TJP3: variants seen among roughly 807,000 people sequenced by gnomAD.
The protein encoded by TJP3 is tight junction protein 3, also known as tight junction protein ZO-3.
In TJP3, 85 loss-of-function variants were observed where a neutral mutation model predicts 104.2. The ratio of observed to expected loss-of-function variants is 0.82; its 90% CI spans 0.68 to 0.98. The LOEUF (loss-of-function observed/expected upper bound fraction) is 0.98. TJP3 is among the 50% of genes least tolerant of loss of function. The pLI, the probability that TJP3 is intolerant of heterozygous loss-of-function variation, is 0.00. For missense variants in TJP3, 1,367 were observed against 1,322.8 expected, an observed-to-expected ratio of 1.03 and a Z score of -0.52; for synonymous variants, 550 against 550.6, an observed-to-expected ratio of 1.00 and a Z score of 0.02.
intron 1 of TJP3, among the ~76,000 whole-genome samples, chr19:3,723,665 C>T (rs1390535362): frequency 4.6e-5 from 7 of 151,422 alleles, no homozygotes; most frequent in Non-Finnish European, 7.4e-5. Flanking sequence ...GGTGGTTGGA[C>T]GCCTGTAATT....
intron 14 of TJP3, among the ~76,000 whole-genome samples, chr19:3,742,879 T>A (rs2036841173): frequency 6.7e-6 from 1 of 148,226 alleles, no homozygotes; most frequent in Non-Finnish European, 1.5e-5. Context: ...GGCAGGAGAA[T>A]CACTTGGACC....
rs2145682333 is a variant in TJP3, at chr19:3,730,047, A to G, written c.178A>G (p.Met60Val). ...GRLQTGDHIV[M>V]VNGVSMENAT... ...TCTCAGGACAGGCGACCACATCGTC[A>G]TGGTGAACGGGGTTTCCATGGAGAA... Residue 60 changes from methionine to valine, a missense_variant, in exon 4 of 21, where the codon ATG becomes GTG. By Grantham distance (21) the Met-to-Val change is conservative. Transcript: ENST00000541714. The surrounding 1 kb of genome is among the most constrained non-coding windows in gnomAD (Gnocchi z 7.3). 6.2e-7 allele frequency: 1 copy of G among 1,614,048 alleles called. No individual in the cohort carries two copies. Among genetic ancestry groups the G allele is most frequent in the East Asian group, 2.2e-5 (1 of 44,850 alleles).
chr19:3,709,031 G>A (rs2036409717), intron 1 of TJP3, among the ~76,000 whole-genome samples: 1 of 151,826 alleles, frequency 6.6e-6, no homozygotes, highest in African/African-American at 2.4e-5. Flanking sequence ...AAACAACTGC[G>A]TCTCCCGCCC....
intron 1 of TJP3, 77 bp from the exon 2 acceptor site, chr19:3,728,347 C>T: frequency 1.2e-6 from 2 of 1,610,220 alleles, no homozygotes; most frequent in Non-Finnish European, 1.7e-6. Flanking sequence ...GGACTCCCCA[C>T]CCTGAGCTGG....
rs72344854 is a variant in TJP3, at chr19:3,712,949, C to CAA, written c.-10+4401_-10+4402dup. Among the ~76,000 whole-genome samples the CAA allele has an allele frequency of 4.4e-3, 598 of 136,758 alleles. 5 individuals carry two copies. Among genetic ancestry groups the CAA allele is most frequent in the African/African-American group, 0.015 (567 of 36,790 alleles). The allele number at this position is 136,758 out of a possible 152,430, so 89.7% of individuals were successfully genotyped here. A position where few individuals can be genotyped will look rare whatever the true frequency, so the allele number is the denominator to read the frequency against. On this transcript the variant is annotated intron_variant, in intron 1 of 20. Coordinates refer to ENST00000541714, the MANE Select transcript of TJP3 (RefSeq NM_001267560.2). The stretch of plus-strand genomic sequence containing the variant: ...TAGGTGACAGAGCAAGACTCTGTCT[C>CAA]AAAAAAAAAAAAAAGAAAAGAAAAG...
chr19:3,730,044 G>T lies in TJP3; in HGVS notation c.175G>T (p.Val59Phe), dbSNP rs1307071135. 2 of 1,613,872 alleles carry T rather than the reference G, an allele frequency of 1.2e-6. No individual in the cohort carries two copies. Among genetic ancestry groups the T allele is most frequent in the African/African-American group, 1.3e-5 (1 of 74,862 alleles). The stretch of plus-strand genomic sequence containing the variant: ...CTCTCTCAGGACAGGCGACCACATC[G>T]TCATGGTGAACGGGGTTTCCATGGA... ...EGRLQTGDHI[V>F]MVNGVSMENA... Residue 59 changes from valine to phenylalanine, a missense_variant, in exon 4 of 21, where the codon GTC becomes TTC. Physicochemically the swap from Val to Phe is conservative, Grantham distance 50. Transcript: ENST00000541714. The surrounding 1 kb of genome is among the most constrained non-coding windows in gnomAD (Gnocchi z 7.3).
chr19:3,744,108 G>A (rs2036856207), intron 15 of TJP3, 74 bp downstream of exon 15: 2 of 1,406,082 alleles, frequency 1.4e-6, no homozygotes, highest in African/African-American at 1.4e-5. Context: ...GGGGTCGGGG[G>A]AGAGTTAGAA....
At chr19:3,734,268 A>G (rs2036708690) in intron 7 of TJP3, 59 bp from the exon 8 acceptor site, 1 of 1,560,732 alleles carries the variant, frequency 6.4e-7, no homozygotes, top group African/African-American at 1.4e-5. Flanking sequence ...CCCCTCTGTA[A>G]AATGGGTCCA....
intron 3 of TJP3, among the ~76,000 whole-genome samples, chr19:3,728,978 G>A (rs948369891): frequency 2.6e-5 from 4 of 152,220 alleles, no homozygotes; most frequent in Admixed American, 1.3e-4. Flanking sequence ...GCTTGAACCC[G>A]GGAGGCAGAG....
rs773269955 is a variant in TJP3, at chr19:3,734,304, T to A, written c.878-23T>A. ...GTCCAGAAGGCGTGACCATGGCTGA[T>A]GAGATGTCCTCTCCCCCTGCAGACA... On this transcript the variant is annotated intron_variant, in intron 7 of 20. Coordinates refer to ENST00000541714, the MANE Select transcript of TJP3 (RefSeq NM_001267560.2). 1.9e-6 allele frequency: 3 copies of A among 1,608,526 alleles called. No individual in the cohort carries two copies. In the South Asian group the frequency reaches 3.3e-5, roughly 18 times the overall value.
At chr19:3,735,982 C>T (rs759206209) in intron 10 of TJP3, 47 bp downstream of exon 10, 2 of 1,608,664 alleles carry the variant, frequency 1.2e-6, no homozygotes, top group South Asian at 2.2e-5. Context: ...TCCTACATCC[C>T]AGGCTGCCTC....
chr19:3,717,941 C>T (rs1447223161), intron 1 of TJP3, among the ~76,000 whole-genome samples: 1 of 140,932 alleles, frequency 7.1e-6, no homozygotes, highest in Non-Finnish European at 1.5e-5. Flanking sequence ...AAAGGCCGGG[C>T]ACGATGGCTC....
intron 14 of TJP3, 84 bp downstream of exon 14, chr19:3,740,847 A>T: frequency 7.4e-7 from 1 of 1,347,962 alleles, no homozygotes; most frequent in South Asian, 1.7e-5. Context: ...AGCCTCTAAA[A>T]GGCACAGTCT....
At chr19:3,728,219 G>T in intron 1 of TJP3, 1 of 354,214 alleles carries the variant, frequency 2.8e-6, no homozygotes, top group Non-Finnish European at 4.0e-6. Context: ...CAGCCTGGGC[G>T]ACAGAGCCAG....
intron 11 of TJP3, 32 bp from the exon 12 acceptor site, chr19:3,738,523 C>A (rs2036768018): frequency 1.3e-6 from 2 of 1,593,356 alleles, no homozygotes; most frequent in Admixed American, 3.4e-5. Flanking sequence ...GGTACCAGAG[C>A]TTTTTCTATA....
At chr19:3,725,585 G>A (rs1250394324) in intron 1 of TJP3, among the ~76,000 whole-genome samples, 1 of 151,560 alleles carries the variant, frequency 6.6e-6, no homozygotes, top group Non-Finnish European at 1.5e-5. Context: ...CCAGCTACTC[G>A]GGAGGCTGAG....
Position 3,728,584 on chromosome 19 carries a change from T to C in TJP3, c.49-20T>C. 1 of 1,608,654 alleles carries C rather than the reference T, an allele frequency of 6.2e-7. No individual in the cohort carries two copies. The highest frequency in any genetic ancestry group is 8.5e-7 in the Non-Finnish European group (1 of 1,178,084). On this transcript the variant is annotated intron_variant, in intron 2 of 20. Coordinates refer to ENST00000541714, the MANE Select transcript of TJP3 (RefSeq NM_001267560.2). ...CCCTGGGGGAAACAGCAGCTCTTCCTTCCCCTCATCCTCTCTCAGGACCCC... is the reference window on the plus strand; with the variant it reads ...CCCTGGGGGAAACAGCAGCTCTTCCCTCCCCTCATCCTCTCTCAGGACCCC...
Position 3,746,695 on chromosome 19 carries a change from G to C in TJP3, c.2221G>C (p.Ala741Pro). The C allele has an allele frequency of 6.2e-7, 1 of 1,609,986 alleles. No individual in the cohort carries two copies. The highest frequency in any genetic ancestry group is 1.1e-5 in the South Asian group (1 of 90,616). The change falls in exon 17 of 21, where the codon GCC becomes CCC. Residue 741 changes from alanine to proline, a missense_variant and splice_region_variant. Transcript: ENST00000541714. This position sits in a 1 kb window ranked among gnomAD's most constrained non-coding sequence, Gnocchi z 4.1. ...LRKHSSHLFT[A>P]TIPLNGTSDT... ...AAAACACAGCAGCCACCTCTTCACA[G>C]GTTGGGGGGTGGGTGTCCCAGGGTA...
chr19:3,734,153 C>A, intron 7 of TJP3, 174 bp from the exon 8 acceptor site: 1 of 854,396 alleles, frequency 1.2e-6, no homozygotes, highest in South Asian at 1.7e-5. Context: ...TCCTGAGTAG[C>A]TGGGATTATA....
Sources: gnomAD v4.1 joint callset for allele counts (sites outside exome capture counted in the v4.1 genomes callset) on GRCh38, gnomAD v4.1.1 for gene constraint, Gnocchi (gnomAD v3.1) non-coding constraint, MANE v1.5 for transcripts, NCBI Gene and HGNC (gene_info 2026-07-23, HGNC 2026-07-21) for gene names.